Variants in KCNB2 observed in about 807,000 individuals in gnomAD.
KCNB2 encodes the protein delayed rectifier potassium channel protein.
KCNB2 carries 15 observed loss-of-function variants against 61.5 expected under a neutral mutation model. The observed-to-expected ratio is 0.24, with a 90% CI of 0.16 to 0.38. The LOEUF is 0.38. Ranked by LOEUF, KCNB2 falls within the 10% of genes least tolerant of loss-of-function variation. The pLI is 1.00. For missense variants in KCNB2, 828 were observed against 1,125.2 expected, an observed-to-expected ratio of 0.74 and a Z score of 3.78; for synonymous variants, 457 against 446.0, an observed-to-expected ratio of 1.02 and a Z score of -0.31.
At chr8:72,596,592 C>T (rs1043673064) in intron 2 of KCNB2, among the ~76,000 whole-genome samples, 4 of 152,158 alleles carry the variant, frequency 2.6e-5, no homozygotes, top group Non-Finnish European at 4.4e-5. Flanking sequence ...TTACTAATAG[C>T]TTCAGAATTT....
At chr8:72,862,136 T>C (rs1023502352) in intron 2 of KCNB2, among the ~76,000 whole-genome samples, 1 of 152,036 alleles carries the variant, frequency 6.6e-6, no homozygotes, top group Non-Finnish European at 1.5e-5. Flanking sequence ...TCTCAAAAAA[T>C]CAAACAAAAA....
intron 2 of KCNB2, among the ~76,000 whole-genome samples, chr8:72,738,763 C>T (rs1247260671): frequency 1.3e-5 from 2 of 152,138 alleles, no homozygotes; most frequent in African/African-American, 4.8e-5. Flanking sequence ...AGTACCAGGG[C>T]ACAGAGGGTC....
At chr8:72,538,825 C>A (rs1806151542) in intron 1 of KCNB2, among the ~76,000 whole-genome samples, 1 of 152,190 alleles carries the variant, frequency 6.6e-6, no homozygotes, top group South Asian at 2.1e-4. Context: ...GAAGAGTAAG[C>A]ATTTTATTGT....
rs1329161162 is a variant in KCNB2, at chr8:72,786,109, C to T, written c.580-149826C>T. ...CGCATTTTCACATTTAGTATGCTCA[C>T]TGCTTATCTGTTTATAAAATTATAA... On this transcript the variant is annotated intron_variant, in intron 2 of 2. Transcript: ENST00000523207. Among the ~76,000 whole-genome samples the T allele has an allele frequency of 2.7e-5, 4 of 150,618 alleles. No individual in the cohort carries two copies. The East Asian group carries it at 7.8e-4, about 29-fold the overall frequency.
At chr8:72,739,038 C>T (rs1807899649) in intron 2 of KCNB2, among the ~76,000 whole-genome samples, 1 of 151,956 alleles carries the variant, frequency 6.6e-6, no homozygotes, top group African/African-American at 2.4e-5. Flanking sequence ...TTTCAAGTAA[C>T]AAGTGACTGA....
chr8:72,754,411 C>T (rs1379203787), intron 2 of KCNB2, among the ~76,000 whole-genome samples: 2 of 152,152 alleles, frequency 1.3e-5, no homozygotes, highest in African/African-American at 4.8e-5. Context: ...AGTTCCATTG[C>T]AGCAGCCACA....
At chr8:72,776,686 A>T (rs781772803) in intron 2 of KCNB2, among the ~76,000 whole-genome samples, 26 of 152,210 alleles carry the variant, frequency 1.7e-4, no homozygotes, top group Non-Finnish European at 3.5e-4. Flanking sequence ...TAACATGGCC[A>T]AGAAAAGGGT....
At chr8:72,683,212 C>T (rs188774844) in intron 2 of KCNB2, among the ~76,000 whole-genome samples, 1 of 152,286 alleles carries the variant, frequency 6.6e-6, no homozygotes, top group East Asian at 1.9e-4. Flanking sequence ...CACCATTGAA[C>T]AATGTTGGCA....
At chr8:72,827,349 T>G (rs1809610831) in intron 2 of KCNB2, among the ~76,000 whole-genome samples, 1 of 152,172 alleles carries the variant, frequency 6.6e-6, no homozygotes, top group Non-Finnish European at 1.5e-5. Flanking sequence ...ACCAAATCTA[T>G]CCTTTAAAAT....
At chr8:72,912,029 T>C (rs1806305029) in intron 2 of KCNB2, among the ~76,000 whole-genome samples, 1 of 152,220 alleles carries the variant, frequency 6.6e-6, no homozygotes, top group Admixed American at 6.5e-5. Flanking sequence ...TTTAAGTGTT[T>C]AGTTGTCACT....
intron 2 of KCNB2, among the ~76,000 whole-genome samples, chr8:72,586,926 CAT>C (rs1344490207): frequency 6.6e-6 from 1 of 152,180 alleles, no homozygotes; most frequent in Non-Finnish European, 1.5e-5. Context: ...GAATGAATAA[CAT>C]ATGATCCTCT....
chr8:72,856,176 TAA>T (rs1048437761), intron 2 of KCNB2, among the ~76,000 whole-genome samples: 4 of 152,068 alleles, frequency 2.6e-5, no homozygotes, highest in African/African-American at 9.7e-5. Flanking sequence ...AAAGTAAAAA[TAA>T]ATAGGTGAAA....
chr8:72,830,827 A>T (rs1413320211), intron 2 of KCNB2, among the ~76,000 whole-genome samples: 1 of 152,232 alleles, frequency 6.6e-6, no homozygotes, highest in Non-Finnish European at 1.5e-5. Context: ...TGGGCAAAAG[A>T]AAGCAATAAA....
At chr8:72,857,451 A>C (rs183326528) in intron 2 of KCNB2, among the ~76,000 whole-genome samples, 76 of 152,320 alleles carry the variant, frequency 5.0e-4, no homozygotes, top group African/African-American at 1.7e-3. Flanking sequence ...TGAAGAGTGC[A>C]GGGTAGAACT....
At chr8:72,552,282 G>A (rs1220521753) in intron 1 of KCNB2, among the ~76,000 whole-genome samples, 1 of 152,162 alleles carries the variant, frequency 6.6e-6, no homozygotes, top group Non-Finnish European at 1.5e-5. Flanking sequence ...ACAGAACTCA[G>A]CCTCATAACT....
intron 2 of KCNB2, among the ~76,000 whole-genome samples, chr8:72,666,454 G>A (rs966400814): frequency 1.3e-5 from 2 of 152,080 alleles, no homozygotes; most frequent in African/African-American, 4.8e-5. Context: ...ACTTTGAAAA[G>A]CACTTTTGAG....
chr8:72,793,094 T>C (rs1246152877), intron 2 of KCNB2, among the ~76,000 whole-genome samples: 5 of 152,224 alleles, frequency 3.3e-5, no homozygotes, highest in Non-Finnish European at 7.3e-5. Flanking sequence ...ACAGCATCAA[T>C]TTCAAATATC....
chr8:72,843,789 G>T (rs1809937582), intron 2 of KCNB2, among the ~76,000 whole-genome samples: 1 of 152,036 alleles, frequency 6.6e-6, no homozygotes, highest in Non-Finnish European at 1.5e-5. Flanking sequence ...CATTTGCTTG[G>T]TAAATATTCC....
intron 2 of KCNB2, among the ~76,000 whole-genome samples, chr8:72,813,411 A>G (rs1409448456): frequency 2.0e-5 from 3 of 152,110 alleles, no homozygotes; most frequent in African/African-American, 7.2e-5. Flanking sequence ...TTAAGTTTAC[A>G]CCCAAAAAAA....
Sources: allele counts gnomAD v4.1 joint callset (sites outside exome capture counted in the v4.1 genomes callset), GRCh38; gene constraint gnomAD v4.1.1; transcripts MANE v1.5; gene names NCBI Gene and HGNC (gene_info 2026-07-23, HGNC 2026-07-21).